Variants in KCNQ5 observed in about 807,000 individuals in gnomAD.
KCNQ5 encodes the protein potassium voltage-gated channel subfamily Q member 5.
In KCNQ5, 30 loss-of-function variants were observed where a neutral mutation model predicts 98.2. The ratio of observed to expected loss-of-function variants is 0.31; its 90% CI spans 0.23 to 0.41. KCNQ5 has a LOEUF of 0.41. KCNQ5 is among the 10% of genes least tolerant of loss of function. The probability of loss-of-function intolerance (pLI) is 1.00; values close to 1 mark genes in which losing one functional copy is unlikely to be tolerated. For synonymous variants in KCNQ5, 458 were observed against 449.4 expected, an observed-to-expected ratio of 1.02 and a Z score of -0.24; for missense variants, 835 against 1,182.5, an observed-to-expected ratio of 0.71 and a Z score of 4.31.
chr6:73,186,056 C>T (rs1257552162), intron 11 of KCNQ5, among the ~76,000 whole-genome samples: 5 of 152,108 alleles, frequency 3.3e-5, no homozygotes, highest in Admixed American at 2.6e-4. Flanking sequence ...GAGACCCCCC[C>T]TATCTCTGCA....
intron 1 of KCNQ5, among the ~76,000 whole-genome samples, chr6:72,726,698 GT>G (rs1404312685): frequency 6.6e-6 from 1 of 152,118 alleles, no homozygotes; most frequent in Non-Finnish European, 1.5e-5. Flanking sequence ...TATGAATGTT[GT>G]TGAATACAGA....
chr6:73,024,264 G>A (rs1313818163), intron 2 of KCNQ5, among the ~76,000 whole-genome samples: 1 of 151,896 alleles, frequency 6.6e-6, no homozygotes, highest in Non-Finnish European at 1.5e-5. Flanking sequence ...GCATCATTAG[G>A]ACAGAATGAT....
intron 1 of KCNQ5, among the ~76,000 whole-genome samples, chr6:72,764,005 T>C (rs1772426224): frequency 6.6e-6 from 1 of 151,990 alleles, no homozygotes; most frequent in Non-Finnish European, 1.5e-5. Context: ...AATGATTCAG[T>C]ACCTCTAAGT....
At chr6:72,895,058 C>T (rs142773393) in intron 1 of KCNQ5, among the ~76,000 whole-genome samples, 2,788 of 144,642 alleles carry the variant, frequency 0.019, 44 homozygotes, top group Admixed American at 0.034. Context: ...ATGGGCGGAT[C>T]ACGAGGTCAG....
rs182448322 is a variant in KCNQ5 at position 72,643,742 on chromosome 6, T to G, written c.398+21155T>G. Among the ~76,000 whole-genome samples the G allele has an allele frequency of 5.3e-3, 811 of 152,264 alleles. 12 individuals carry two copies. The highest frequency in any genetic ancestry group is 0.018 in the African/African-American group (767 of 41,552). ...TCAATCTGTTAAACTTTTTGATGTCTCCTAAAGACAGCCACAGCTGTTATG... is the reference window on the plus strand; with the variant it reads ...TCAATCTGTTAAACTTTTTGATGTCGCCTAAAGACAGCCACAGCTGTTATG... On this transcript the variant is annotated intron_variant, in intron 1 of 13. Transcript: ENST00000370398.
intron 10 of KCNQ5, among the ~76,000 whole-genome samples, chr6:73,153,607 T>A (rs1459326031): frequency 2.0e-5 from 3 of 152,066 alleles, no homozygotes; most frequent in Non-Finnish European, 4.4e-5. Flanking sequence ...AAGCCTCCCA[T>A]AGAGCTGAGA....
intron 1 of KCNQ5, among the ~76,000 whole-genome samples, chr6:72,905,008 A>G (rs1779647530): frequency 6.6e-6 from 1 of 151,984 alleles, no homozygotes; most frequent in Non-Finnish European, 1.5e-5. Flanking sequence ...AGGAATGCTA[A>G]TTATTTTTAG....
At chr6:73,159,992 T>TG in intron 10 of KCNQ5, among the ~76,000 whole-genome samples, 1 of 132,550 alleles carries the variant, frequency 7.5e-6, no homozygotes, top group East Asian at 2.0e-4. Flanking sequence ...GCTATGGTTT[T>TG]TTTTGTTTGT....
chr6:72,622,797 C>G lies in KCNQ5; in HGVS notation c.398+210C>G, dbSNP rs1435239195. 1.3e-5 allele frequency among the ~76,000 whole-genome samples: 2 copies of G among 152,146 alleles called. No homozygotes were observed. Among genetic ancestry groups the G allele is most frequent in the Non-Finnish European group, 2.9e-5 (2 of 68,036 alleles). ...ATCTCTACAGCTTGAACCTTTTCCC[C>G]GAGGACACCCAATGAACTGCCCGGT... On this transcript the variant is annotated intron_variant, in intron 1 of 13. Transcript: ENST00000370398. This position sits in a 1 kb window ranked among gnomAD's most constrained non-coding sequence, Gnocchi z 6.0.
chr6:72,707,294 A>G (rs1433973301), intron 1 of KCNQ5, among the ~76,000 whole-genome samples: 1 of 152,238 alleles, frequency 6.6e-6, no homozygotes, highest in African/African-American at 2.4e-5. Context: ...GAAAGCCCAA[A>G]TTAATATTAG....
chr6:73,071,655 A>G (rs1773305047), intron 3 of KCNQ5, among the ~76,000 whole-genome samples: 1 of 152,162 alleles, frequency 6.6e-6, no homozygotes, highest in South Asian at 2.1e-4. Flanking sequence ...CGAGAGATGA[A>G]GCAAGACATA....
At position 72,639,394 on chromosome 6, in the gene KCNQ5, G is replaced by C. The variant is rs77005807; in HGVS notation, c.398+16807G>C. On this transcript the variant is annotated intron_variant, in intron 1 of 13. Coordinates refer to ENST00000370398, the MANE Select transcript of KCNQ5 (RefSeq NM_019842.4). ...TTTGCCATCTAGGAGTGGACAGCAT[G>C]TGCAGTGCCATGTGTTAGGAGGACA... Among the ~76,000 whole-genome samples the C allele has an allele frequency of 9.2e-3, 1,400 of 152,304 alleles. 11 individuals carry two copies. Among genetic ancestry groups the C allele is most frequent in the East Asian group, 0.02 (105 of 5,174 alleles).
intron 2 of KCNQ5, among the ~76,000 whole-genome samples, chr6:73,036,340 C>G (rs545027587): frequency 5.4e-5 from 8 of 146,836 alleles, no homozygotes; most frequent in Non-Finnish European, 1.2e-4. Flanking sequence ...GAGCCGAGAT[C>G]GCACCACTGC....
At chr6:72,705,556 C>A (rs866361281) in intron 1 of KCNQ5, among the ~76,000 whole-genome samples, 4 of 149,642 alleles carry the variant, frequency 2.7e-5, no homozygotes, top group African/African-American at 9.9e-5. Context: ...GTTTTACTGT[C>A]CAAATTTTTT....
intron 1 of KCNQ5, among the ~76,000 whole-genome samples, chr6:72,624,991 A>G (rs7768673): frequency 0.17 from 25,925 of 152,238 alleles, 2,559 homozygotes; most frequent in Middle Eastern, 0.25. Context: ...GGTGTAACTA[A>G]CTAATTCCCT....
At chr6:73,174,897 A>T (rs1778155196) in intron 11 of KCNQ5, among the ~76,000 whole-genome samples, 1 of 152,184 alleles carries the variant, frequency 6.6e-6, no homozygotes, top group African/African-American at 2.4e-5. Flanking sequence ...TGGACTCCTT[A>T]TGCCTTCCAG....
At chr6:72,822,943 T>C (rs1775822617) in intron 1 of KCNQ5, among the ~76,000 whole-genome samples, 1 of 152,172 alleles carries the variant, frequency 6.6e-6, no homozygotes, top group Admixed American at 6.5e-5. Flanking sequence ...CCTGCTTCCA[T>C]TGTCTCCTCT....
chr6:73,152,949 T>G (rs79176050), intron 10 of KCNQ5, among the ~76,000 whole-genome samples: 4,169 of 152,192 alleles, frequency 0.027, 84 homozygotes, highest in East Asian at 0.072. Context: ...CAGCTTTTGG[T>G]TTAATACCTG....
intron 1 of KCNQ5, among the ~76,000 whole-genome samples, chr6:72,699,224 CT>C (rs1768672890): frequency 6.6e-6 from 1 of 152,058 alleles, no homozygotes; most frequent in Non-Finnish European, 1.5e-5. Context: ...TCCAGATTCT[CT>C]TTTAGGGAAT....
Sources: allele counts gnomAD v4.1 joint callset (sites outside exome capture counted in the v4.1 genomes callset), GRCh38; gene constraint gnomAD v4.1.1; non-coding constraint Gnocchi (gnomAD v3.1); transcripts MANE v1.5; gene names NCBI Gene and HGNC (gene_info 2026-07-23, HGNC 2026-07-21).